CD109: variants seen among roughly 807,000 people sequenced by gnomAD.
CD109 encodes CD109 molecule.
A neutral mutation model predicts 165.8 loss-of-function variants in CD109; 149 were observed. The observed-to-expected ratio is 0.90, with a 90% confidence interval of 0.79 to 1.03. CD109 has a LOEUF of 1.03. Ranked by LOEUF, CD109 falls within the 50% of genes least tolerant of loss-of-function variation. The pLI is 0.00. For synonymous variants in CD109, 585 were observed against 592.1 expected, an observed-to-expected ratio of 0.99 and a Z score of 0.18; for missense variants, 1,712 against 1,677.8, an observed-to-expected ratio of 1.02 and a Z score of -0.36.
At chr6:73,699,359 T>C (rs967944376) in intron 2 of CD109, among the ~76,000 whole-genome samples, 1 of 151,658 alleles carries the variant, frequency 6.6e-6, no homozygotes, top group Non-Finnish European at 1.5e-5. Flanking sequence ...GAAACTAAAA[T>C]AAAAGTTAAA....
At chr6:73,751,978 A>T (rs1773206530) in intron 5 of CD109, among the ~76,000 whole-genome samples, 1 of 152,248 alleles carries the variant, frequency 6.6e-6, no homozygotes, top group Non-Finnish European at 1.5e-5. Context: ...GGCTAAACGC[A>T]AAACTGAGTC....
intron 2 of CD109, among the ~76,000 whole-genome samples, chr6:73,698,838 T>C (rs1582025932): frequency 6.6e-6 from 1 of 152,308 alleles, no homozygotes; most frequent in African/African-American, 2.4e-5. Flanking sequence ...TGGTACTACT[T>C]TGCTACTAGT....
intron 2 of CD109, among the ~76,000 whole-genome samples, chr6:73,708,968 G>A (rs1582040379): frequency 6.6e-6 from 1 of 152,232 alleles, no homozygotes; most frequent in Non-Finnish European, 1.5e-5. Flanking sequence ...CACTCTGATG[G>A]TAGTTTCTTT....
intron 13 of CD109, 76 bp from the exon 14 acceptor site, chr6:73,767,979 A>AT: frequency 8.0e-7 from 1 of 1,245,448 alleles, no homozygotes; most frequent in Non-Finnish European, 1.2e-6. Context: ...TATGCATACA[A>AT]TTATGATTAA....
At chr6:73,768,340 A>T in intron 14 of CD109, 109 bp downstream of exon 14, 1 of 655,054 alleles carries the variant, frequency 1.5e-6, no homozygotes. Flanking sequence ...TTAGAAATTT[A>T]TATTATTCTA....
At chr6:73,723,034 CTGATACCCTTTTAA>C (rs1772017428) in intron 2 of CD109, 1 of 717,074 alleles carries the variant, frequency 1.4e-6, no homozygotes, top group South Asian at 6.3e-5. Context: ...GGTTTGCCCA[CTGATACCCTTTTAA>C]TCCTGATTTT....
rs1770886009 is a variant in CD109 at position 73,697,381 on chromosome 6, C to T, written c.75-19C>T. 3 of 1,605,298 alleles carry T rather than the reference C, an allele frequency of 1.9e-6. No homozygotes were observed. The highest frequency in any genetic ancestry group is 1.3e-5 in the African/African-American group (1 of 74,312). On this transcript the variant is annotated intron_variant, in intron 1 of 32. Coordinates refer to ENST00000287097, the MANE Select transcript of CD109 (RefSeq NM_133493.5). ...TGAGGATAAGAAACTTTGTTTTTCCCTTGTTGGGAACTCTTTAGGCCTCGG... is the reference window on the plus strand; with the variant it reads ...TGAGGATAAGAAACTTTGTTTTTCCTTTGTTGGGAACTCTTTAGGCCTCGG...
chr6:73,760,211 T>C (rs1339988182), intron 7 of CD109, among the ~76,000 whole-genome samples: 1 of 151,078 alleles, frequency 6.6e-6, no homozygotes, highest in East Asian at 2.0e-4. Flanking sequence ...ATCGAGACCA[T>C]CTTGGCTAAC....
rs563599085 is a variant in CD109 at position 73,762,253 on chromosome 6, T to G, written c.759-131T>G. On this transcript the variant is annotated intron_variant, in intron 7 of 32. Transcript: ENST00000287097. ...TGGGATTACAGGCGTGAGCCACCGC[T>G]CCCAGCCCAATGTAATTTTTTAAAA... The G allele has an allele frequency of 2.2e-4, 143 of 656,872 alleles. No homozygotes were observed. The African/African-American group carries it at 2.2e-3, about 10-fold the overall frequency. 40.7% of individuals were successfully genotyped at this position (656,872 alleles called of 1,614,324 possible). A position where few individuals can be genotyped will look rare whatever the true frequency, so the allele number is the denominator to read the frequency against.
At chr6:73,747,725 C>G (rs555414558) in intron 5 of CD109, among the ~76,000 whole-genome samples, 1 of 152,152 alleles carries the variant, frequency 6.6e-6, no homozygotes, top group Non-Finnish European at 1.5e-5. Flanking sequence ...CACCTGGCTC[C>G]TCTGCAGCAT....
chr6:73,747,988 A>G (rs1582096754), intron 5 of CD109, among the ~76,000 whole-genome samples: 1 of 151,084 alleles, frequency 6.6e-6, no homozygotes, highest in Non-Finnish European at 1.5e-5. Context: ...TCCTGCCTCC[A>G]TCTCCCGAGT....
At chr6:73,780,520 G>C (rs772388374) in intron 16 of CD109, 22 bp downstream of exon 16, 4 of 1,477,484 alleles carry the variant, frequency 2.7e-6, no homozygotes, top group Non-Finnish European at 3.8e-6. Flanking sequence ...TTGCTATATT[G>C]AAAAGATATT....
intron 15 of CD109, among the ~76,000 whole-genome samples, chr6:73,780,104 A>G (rs1407351478): frequency 6.6e-6 from 1 of 151,466 alleles, no homozygotes; most frequent in East Asian, 1.9e-4. Flanking sequence ...TATCTCTGCC[A>G]AAAGTGTGGG....
At chr6:73,701,629 CTGTTT>C (rs904792567) in intron 2 of CD109, among the ~76,000 whole-genome samples, 2 of 152,152 alleles carry the variant, frequency 1.3e-5, no homozygotes, top group African/African-American at 4.8e-5. Context: ...ACCATAATTT[CTGTTT>C]TATTTTCCCT....
At chr6:73,801,111 T>C (rs990921653) in intron 23 of CD109, among the ~76,000 whole-genome samples, 4 of 152,244 alleles carry the variant, frequency 2.6e-5, no homozygotes, top group African/African-American at 4.8e-5. Flanking sequence ...TCTTTTCTTC[T>C]TTTATCATGT....
chr6:73,816,884 G>A (rs1775955667), intron 30 of CD109, among the ~76,000 whole-genome samples: 1 of 152,138 alleles, frequency 6.6e-6, no homozygotes, highest in African/African-American at 2.4e-5. Flanking sequence ...CTGTGAAGAG[G>A]CCTCAGCATT....
chr6:73,761,316 A>T (rs1215312297), intron 7 of CD109, among the ~76,000 whole-genome samples: 2 of 152,160 alleles, frequency 1.3e-5, no homozygotes, highest in African/African-American at 4.8e-5. Context: ...GGGCCAGTCC[A>T]GATTTCTAGG....
chr6:73,802,316 T>A (rs1482117342), intron 23 of CD109, among the ~76,000 whole-genome samples: 41 of 141,316 alleles, frequency 2.9e-4, no homozygotes, highest in Non-Finnish European at 5.7e-4. Flanking sequence ...TTTTTTTTTT[T>A]TTTTTTTTTT....
At chr6:73,703,034 A>G (rs1739795943) in intron 2 of CD109, among the ~76,000 whole-genome samples, 1 of 152,192 alleles carries the variant, frequency 6.6e-6, no homozygotes, top group Non-Finnish European at 1.5e-5. Flanking sequence ...ATTTAATTTT[A>G]ACAACTTGAT....
Sources: allele counts gnomAD v4.1 joint callset (sites outside exome capture counted in the v4.1 genomes callset), GRCh38; gene constraint gnomAD v4.1.1; transcripts MANE v1.5; gene names NCBI Gene and HGNC (gene_info 2026-07-23, HGNC 2026-07-21).